The following C1orf159 variants were observed in gnomAD, a reference collection of about 807,000 sequenced individuals.
C1orf159 encodes the protein chromosome 1 open reading frame 159.
In C1orf159, 19 loss-of-function variants were observed where a neutral mutation model predicts 25.6. The ratio of observed to expected loss-of-function variants is 0.74; its 90% CI spans 0.52 to 1.09. The LOEUF (loss-of-function observed/expected upper bound fraction) is 1.09, where lower values mean the gene tolerates loss of function less well. Ranked by LOEUF, C1orf159 falls within the 50% of genes least tolerant of loss-of-function variation. The pLI, the probability that C1orf159 is intolerant of heterozygous loss-of-function variation, is 0.00. For missense variants in C1orf159, 274 were observed against 290.6 expected, an observed-to-expected ratio of 0.94 and a Z score of 0.42; for synonymous variants, 139 against 124.7, an observed-to-expected ratio of 1.12 and a Z score of -0.77.
At chr1:1,091,288 G>A in intron 3 of C1orf159, 184 bp downstream of exon 3, 1 of 712,012 alleles carries the variant, frequency 1.4e-6, no homozygotes, top group Admixed American at 2.5e-5. Context: ...CCAGCAGGCA[G>A]CGGAGGGCTC....
chr1:1,086,717 G>A (rs552367508), intron 6 of C1orf159, among the ~76,000 whole-genome samples: 2 of 152,354 alleles, frequency 1.3e-5, no homozygotes, highest in South Asian at 4.1e-4. Flanking sequence ...GGCCGTGAGT[G>A]TGAACCTGAG....
intron 3 of C1orf159, 109 bp from the exon 4 acceptor site, chr1:1,090,537 C>T: frequency 2.6e-6 from 3 of 1,159,448 alleles, no homozygotes; most frequent in Non-Finnish European, 3.7e-6. Context: ...ATGTCCGCAG[C>T]TCCGGCCTCT....
intron 1 of C1orf159, among the ~76,000 whole-genome samples, chr1:1,098,585 A>G (rs1461340099): frequency 6.6e-6 from 1 of 152,188 alleles, no homozygotes; most frequent in Non-Finnish European, 1.5e-5. Context: ...TGTGTTGGAA[A>G]ATGTATCATG....
intron 1 of C1orf159, among the ~76,000 whole-genome samples, chr1:1,107,702 A>C (rs1646192899): frequency 6.6e-6 from 1 of 152,218 alleles, no homozygotes; most frequent in African/African-American, 2.4e-5. Flanking sequence ...AGATAAGGGA[A>C]TAAAAGCAGG....
Position 1,082,641 on chromosome 1 carries a change from G to A in C1orf159, c.*252C>T, listed in dbSNP as rs61766325. On this transcript the variant is annotated 3_prime_UTR_variant, in exon 10 of 10. Transcript: ENST00000421241. ...GGGGGCCCGGACCCCCCAAGGCCTC[G>A]ATCTGAAGCTCTGAGGTCTCATGGA... 0.014 allele frequency: 7,305 copies of A among 531,922 alleles called. 75 individuals are homozygous for A. Among genetic ancestry groups the A allele is most frequent in the Non-Finnish European group, 0.02 (5,809 of 295,324 alleles). The allele number at this position is 531,922 out of a possible 1,614,324, so 33.0% of individuals were successfully genotyped here. A position where few individuals can be genotyped will look rare whatever the true frequency, so the allele number is the denominator to read the frequency against.
intron 1 of C1orf159, among the ~76,000 whole-genome samples, chr1:1,097,077 T>C (rs1394610136): frequency 2.0e-5 from 3 of 151,714 alleles, no homozygotes; most frequent in Non-Finnish European, 2.9e-5. Flanking sequence ...TTAGAAATAA[T>C]GCCTCTTTTG....
intron 4 of C1orf159, 29 bp downstream of exon 4, chr1:1,090,324 T>G (rs1170855646): frequency 6.5e-7 from 1 of 1,549,954 alleles, no homozygotes; most frequent in South Asian, 1.2e-5. Context: ...GGGGCCGGTC[T>G]GGAATCTGCT....
intron 1 of C1orf159, among the ~76,000 whole-genome samples, chr1:1,094,216 G>C (rs990150020): frequency 6.6e-6 from 1 of 151,694 alleles, no homozygotes; most frequent in African/African-American, 2.4e-5. Flanking sequence ...TCCTACATCA[G>C]CCTCCCGAGT....
chr1:1,090,243 C>T (rs1645906302), intron 4 of C1orf159, 110 bp downstream of exon 4: 1 of 1,112,914 alleles, frequency 9.0e-7, no homozygotes, highest in Non-Finnish European at 1.3e-6. Flanking sequence ...CTCCCCAGGT[C>T]CCGCAGCACA....
intron 1 of C1orf159, among the ~76,000 whole-genome samples, chr1:1,108,908 G>A (rs377559947): frequency 2.5e-4 from 21 of 82,988 alleles, no homozygotes; most frequent in African/African-American, 9.0e-4. Flanking sequence ...ACCATGTCTC[G>A]GCAGCACCGT....
Position 1,087,467 on chromosome 1 carries a change from T to G in C1orf159, c.244+35A>C. ...ACAGTGTCTCCCACAGCTGGAGCTG[T>G]GAGAAGGGAGCCGGGGGGAGCCGGG... is the stretch of plus-strand genomic sequence containing the variant. On this transcript the variant is annotated intron_variant, in intron 5 of 9. Coordinates refer to ENST00000421241, the MANE Select transcript of C1orf159 (RefSeq NM_017891.5). This position sits in a 1 kb window ranked among gnomAD's most constrained non-coding sequence, Gnocchi z 8.3. 9 of 1,517,870 alleles carry G rather than the reference T, an allele frequency of 5.9e-6. No homozygotes were observed. The highest frequency in any genetic ancestry group is 8.0e-6 in the Non-Finnish European group (9 of 1,120,606). 94.0% of individuals were successfully genotyped at this position (1,517,870 alleles called of 1,614,324 possible). A position where few individuals can be genotyped will look rare whatever the true frequency, so the allele number is the denominator to read the frequency against.
In C1orf159 at chr1:1,082,850, G is replaced by A. The variant is rs370305615; in HGVS notation, c.*43C>T. 39 of 1,521,694 alleles carry A rather than the reference G, an allele frequency of 2.6e-5. No individual in the cohort carries two copies. Among genetic ancestry groups the A allele is most frequent in the Admixed American group, 1.5e-4 (8 of 51,718 alleles). The allele number at this position is 1,521,694 out of a possible 1,614,324, so 94.3% of individuals were successfully genotyped here. ...GGTTCCCGCCAAGGGGTCGGCCTCC[G>A]GGTCCCTGCCGCCAAGTGCGTGGCG... On this transcript the variant is annotated 3_prime_UTR_variant, in exon 10 of 10. Coordinates refer to ENST00000421241, the MANE Select transcript of C1orf159 (RefSeq NM_017891.5).
intron 1 of C1orf159, among the ~76,000 whole-genome samples, chr1:1,099,115 T>C (rs199810052): frequency 0.031 from 2,738 of 87,632 alleles, 10 homozygotes; most frequent in African/African-American, 0.11. Context: ...TTAAAATCTC[T>C]GACGATGATT....
Position 1,093,503 on chromosome 1 carries a change from C to T in C1orf159, c.-135-1400G>A, listed in dbSNP as rs564920348. On this transcript the variant is annotated intron_variant, in intron 1 of 9. Transcript: ENST00000421241. ...CCCACACAGCTGCCAGCACTCGCTG[C>T]GGCCCCCACAAGCCCGGGCTCCCGG... Among the ~76,000 whole-genome samples, 10 of 152,348 alleles carry T rather than the reference C, an allele frequency of 6.6e-5. No individual in the cohort carries two copies. In the South Asian group the frequency reaches 1.7e-3, roughly 25 times the overall value.
intron 1 of C1orf159, among the ~76,000 whole-genome samples, chr1:1,102,071 CAAAAAA>C (rs1237729417): frequency 2.5e-5 from 1 of 39,966 alleles, no homozygotes; most frequent in South Asian, 1.2e-3. Context: ...AACTCTGTCT[CAAAAAA>C]AAAAAAAAAA....
chr1:1,085,803 C>T (rs1218934213), intron 7 of C1orf159, 75 bp downstream of exon 7: 1 of 1,561,222 alleles, frequency 6.4e-7, no homozygotes, highest in East Asian at 2.3e-5. Flanking sequence ...ACACTCCAGT[C>T]TCAGGCCCAT....
Position 1,085,885 on chromosome 1 carries a change from T to C in C1orf159, c.438A>G (p.Arg146=). 1.2e-6 allele frequency: 2 copies of C among 1,613,198 alleles called. No individual in the cohort carries two copies. Among genetic ancestry groups the C allele is most frequent in the East Asian group, 4.5e-5 (2 of 44,876 alleles). The change falls in exon 7 of 10, where the codon AGA becomes AGG. Residue 146 remains arginine (R), a synonymous_variant. Coordinates refer to ENST00000421241, the MANE Select transcript of C1orf159 (RefSeq NM_017891.5). ...SSKLPRACYR[R]NKAPALQPGE... ...TGCTGGTCCGGGAGATACCTTTGTT[T>C]CTTCTGTAGCAGGCCCTGGGGAGTT... is the stretch of plus-strand genomic sequence containing the variant.
At chr1:1,091,295 G>T in intron 3 of C1orf159, 177 bp downstream of exon 3, 2 of 728,064 alleles carry the variant, frequency 2.7e-6, no homozygotes, top group African/African-American at 1.8e-5. Context: ...GCAGCGGAGG[G>T]CTCCCCTCTG....
Position 1,087,671 on chromosome 1 carries a change from CTATT to C in C1orf159, c.149-78_149-75del, listed in dbSNP as rs1645853461. On this transcript the variant is annotated intron_variant, in intron 4 of 9. Transcript: ENST00000421241. This position sits in a 1 kb window ranked among gnomAD's most constrained non-coding sequence, Gnocchi z 8.3. ...AGCTGGGTCTCCTGGGAATGATTCT[CTATT>C]TGAGTTGGTGAGATAACTTTCATTC... The C allele has an allele frequency of 9.0e-7, 1 of 1,113,188 alleles. No homozygotes were observed. The highest frequency in any genetic ancestry group is 1.3e-6 in the Non-Finnish European group (1 of 776,458). 69.0% of individuals were successfully genotyped at this position (1,113,188 alleles called of 1,614,324 possible).
Sources: gnomAD v4.1 joint callset for allele counts (sites outside exome capture counted in the v4.1 genomes callset) on GRCh38, gnomAD v4.1.1 for gene constraint, Gnocchi (gnomAD v3.1) non-coding constraint, MANE v1.5 for transcripts, NCBI Gene and HGNC (gene_info 2026-07-23, HGNC 2026-07-21) for gene names.